The following ELF5 variants were observed in gnomAD, a reference collection of about 807,000 sequenced individuals.
ELF5 encodes the protein ETS-related transcription factor Elf-5.
ELF5 carries 31 observed loss-of-function variants against 38.2 expected under a neutral mutation model. The ratio of observed to expected loss-of-function variants is 0.81; its 90% CI spans 0.61 to 1.10. The LOEUF is 1.10. Ranked by LOEUF, ELF5 falls within the 50% of genes least tolerant of loss-of-function variation. The pLI is 0.00. For missense variants in ELF5, 300 were observed against 306.6 expected (o/e 0.98, Z 0.16); for synonymous variants, 121 against 112.5 (o/e 1.08, Z -0.48).
At chr11:34,492,383 A>C (rs1053215936) in intron 3 of ELF5, 1 of 152,240 alleles carries the variant, frequency 6.6e-6, no homozygotes, top group African/African-American at 2.4e-5. Context: ...TGCAAACAAG[A>C]GGCGCTGTCA....
intron 3 of ELF5, among the ~76,000 whole-genome samples, chr11:34,491,441 A>T (rs1850168121): frequency 6.6e-6 from 1 of 152,098 alleles, no homozygotes; most frequent in Non-Finnish European, 1.5e-5. Context: ...TCCCACCATT[A>T]AAGGTGGCAT....
intron 4 of ELF5, among the ~76,000 whole-genome samples, chr11:34,484,394 A>C (rs1393894892): frequency 6.6e-6 from 1 of 151,756 alleles, no homozygotes; most frequent in East Asian, 1.9e-4. Context: ...GTACTATACT[A>C]TACTAACTAT....
chr11:34,511,522 T>C (rs1815643149), intron 1 of ELF5: 2 of 1,613,778 alleles, frequency 1.2e-6, no homozygotes, highest in Admixed American at 3.3e-5. Context: ...ACTTCACACA[T>C]GAGAAAGTTG....
chr11:34,486,500 C>T (rs561133637), intron 4 of ELF5, among the ~76,000 whole-genome samples: 1 of 147,818 alleles, frequency 6.8e-6, no homozygotes, highest in Admixed American at 6.6e-5. Flanking sequence ...GTTTCCAGGC[C>T]TTGGATCTCA....
rs985249690 is a variant in ELF5 at position 34,490,691 on chromosome 11, T to C, written c.356-632A>G. ...GGGTGGGCTGGGGTTGAATGAGGAGTTTGAGATTGTGTTTTCACATAGCAG... is the reference window on the plus strand; with the variant it reads ...GGGTGGGCTGGGGTTGAATGAGGAGCTTGAGATTGTGTTTTCACATAGCAG... On this transcript the variant is annotated intron_variant, in intron 3 of 6. Coordinates refer to ENST00000257832, the MANE Select transcript of ELF5 (RefSeq NM_001422.4). Among the ~76,000 whole-genome samples the C allele has an allele frequency of 4.6e-5, 7 of 152,210 alleles. No homozygotes were observed. The South Asian group carries it at 6.2e-4, about 14-fold the overall frequency.
chr11:34,508,199 T>C (rs895745064), intron 1 of ELF5, among the ~76,000 whole-genome samples: 5 of 152,196 alleles, frequency 3.3e-5, no homozygotes, highest in Non-Finnish European at 2.9e-5. Context: ...TTGTAAAGCC[T>C]GCAGTTAAAA....
intron 2 of ELF5, among the ~76,000 whole-genome samples, chr11:34,498,264 A>G (rs780179445): frequency 2.6e-5 from 4 of 152,234 alleles, no homozygotes; most frequent in Non-Finnish European, 5.9e-5. Context: ...TGCTCATTAA[A>G]TATCATCCAC....
At chr11:34,505,531 G>A (rs2133900250) in intron 2 of ELF5, 98 bp downstream of exon 2, 3 of 1,562,278 alleles carry the variant, frequency 1.9e-6, no homozygotes, top group Middle Eastern at 1.9e-4. Flanking sequence ...GGTGTTCCTA[G>A]GCCCCAGCAC....
chr11:34,511,438 C>T, intron 1 of ELF5: 10 of 1,470,246 alleles, frequency 6.8e-6, no homozygotes, highest in South Asian at 2.4e-5. Flanking sequence ...CAAATGTAGT[C>T]ATCATTCTAG....
chr11:34,484,493 C>A (rs1313244373), intron 4 of ELF5, among the ~76,000 whole-genome samples: 1 of 149,950 alleles, frequency 6.7e-6, no homozygotes, highest in African/African-American at 2.5e-5. Context: ...CTATACTATA[C>A]TATACTATAC....
chr11:34,491,596 T>TC (rs1850173490), intron 3 of ELF5: 1 of 151,588 alleles, frequency 6.6e-6, no homozygotes, highest in African/African-American at 2.4e-5. Context: ...TTTTTTTTTT[T>TC]CAGGATTTTG....
In ELF5 at chr11:34,506,178, C is replaced by G. The variant is rs375335007; in HGVS notation, c.-4-425G>C. Among the ~76,000 whole-genome samples the G allele has an allele frequency of 4.3e-4, 65 of 152,316 alleles. No homozygotes were observed. In the East Asian group the frequency reaches 0.011, roughly 25 times the overall value. ...CCATAAGAAAGAACAAGATCATGCC[C>G]TGTGCAGTAACACAGATGCAGCTGG... On this transcript the variant is annotated intron_variant, in intron 1 of 6. Coordinates refer to ENST00000257832, the MANE Select transcript of ELF5 (RefSeq NM_001422.4).
chr11:34,511,511 C>T (rs1850755331), intron 1 of ELF5: 2 of 1,614,164 alleles, frequency 1.2e-6, no homozygotes, highest in East Asian at 4.5e-5. Context: ...CAGGTGGGCT[C>T]ACTTCACACA....
At position 34,480,774 on chromosome 11, in the gene ELF5, C is replaced by G. The variant is rs756054445; in HGVS notation, c.669G>C (p.Leu223=). 1.2e-6 allele frequency: 2 copies of G among 1,613,906 alleles called. No individual in the cohort carries two copies. Among genetic ancestry groups the G allele is most frequent in the Non-Finnish European group, 1.7e-6 (2 of 1,179,924 alleles). Residue 223 remains leucine, a splice_region_variant and synonymous_variant, in exon 6 of 7, where the codon CTG becomes CTC. Coordinates refer to ENST00000257832, the MANE Select transcript of ELF5 (RefSeq NM_001422.4). ...RMTYEKLSRA[L]RYYYKTGILE... Reference sequence around the variant, plus strand: ...AGTATTTTATGCTATTAACTTACCTCAGGGCTCTGCTCAACTTTTCATATG... The same window carrying G: ...AGTATTTTATGCTATTAACTTACCTGAGGGCTCTGCTCAACTTTTCATATG...
intron 1 of ELF5, among the ~76,000 whole-genome samples, chr11:34,512,347 G>A (rs1850781020): frequency 6.6e-6 from 1 of 152,086 alleles, no homozygotes; most frequent in Admixed American, 6.5e-5. Flanking sequence ...TTTTCTGAAG[G>A]TGCAGCGAAG....
chr11:34,494,286 C>G (rs1280546019), intron 2 of ELF5, among the ~76,000 whole-genome samples: 1 of 152,196 alleles, frequency 6.6e-6, no homozygotes, highest in Non-Finnish European at 1.5e-5. Flanking sequence ...CCATTTGAAG[C>G]TGGTTTTGAT....
chr11:34,484,513 CT>C (rs1263162421), intron 4 of ELF5, among the ~76,000 whole-genome samples: 2 of 149,778 alleles, frequency 1.3e-5, no homozygotes, highest in East Asian at 3.9e-4. Flanking sequence ...CTATACTATA[CT>C]ATACTATACT....
chr11:34,479,806 T>G lies in ELF5; in HGVS notation c.*412A>C, dbSNP rs1856888399. 1 of 162,986 alleles carries G rather than the reference T, an allele frequency of 6.1e-6. No homozygotes were observed. Among genetic ancestry groups the G allele is most frequent in the South Asian group, 1.9e-4 (1 of 5,366 alleles). The allele number at this position is 162,986 out of a possible 1,614,324, so 10.1% of individuals were successfully genotyped here. A position where few individuals can be genotyped will look rare whatever the true frequency, so the allele number is the denominator to read the frequency against. On this transcript the variant is annotated 3_prime_UTR_variant, in exon 7 of 7. Transcript: ENST00000257832. Reference sequence around the variant, plus strand: ...CATAACCTGCAAACTAATCATGCTTTCCCCCACCTTTGGTGAGCTGCCACA... The same window carrying G: ...CATAACCTGCAAACTAATCATGCTTGCCCCCACCTTTGGTGAGCTGCCACA...
At position 34,509,172 on chromosome 11, in the gene ELF5, A is replaced by G. The variant is rs1281292634; in HGVS notation, c.-4-3419T>C. ...TGGCGAAACCCCGTCTCCACTAAAA[A>G]CACAACAATTAGCTGGGCATGGTGG... On this transcript the variant is annotated intron_variant, in intron 1 of 6. Transcript: ENST00000257832. Among the ~76,000 whole-genome samples the G allele has an allele frequency of 2.0e-5, 3 of 152,248 alleles. No individual in the cohort carries two copies. In the East Asian group the frequency reaches 5.8e-4, roughly 29 times the overall value.
Sources: gnomAD v4.1 joint callset for allele counts (sites outside exome capture counted in the v4.1 genomes callset) on GRCh38, gnomAD v4.1.1 for gene constraint, MANE v1.5 for transcripts, NCBI Gene and HGNC (gene_info 2026-07-23, HGNC 2026-07-21) for gene names.